RCVRN: variants seen among roughly 807,000 people sequenced by gnomAD.
RCVRN encodes the protein recoverin.
A neutral mutation model predicts 20.4 loss-of-function variants in RCVRN; 23 were observed. The ratio of observed to expected loss-of-function variants is 1.13; its 90% CI spans 0.81 to 1.60. The LOEUF is 1.60. Among genes scored for constraint, RCVRN ranks in the 40% most tolerant of loss-of-function variants. The probability of loss-of-function intolerance (pLI) is 0.00; values close to 1 mark genes in which losing one functional copy is unlikely to be tolerated. For synonymous variants in RCVRN, 105 were observed against 105.9 expected, an observed-to-expected ratio of 0.99 and a Z score of 0.05; for missense variants, 254 against 254.2, an observed-to-expected ratio of 1.00 and a Z score of 0.00.
In RCVRN at chr17:9,904,521, C is replaced by G. The variant is rs1011519833; in HGVS notation, c.381+279G>C. Reference sequence around the variant, plus strand: ...TACAATCTTATGGGACCACAGTGGTCTATATCGTCCGTTGTTGACCCAAAC... The same window carrying G: ...TACAATCTTATGGGACCACAGTGGTGTATATCGTCCGTTGTTGACCCAAAC... On this transcript the variant is annotated intron_variant, in intron 1 of 2. Transcript: ENST00000226193. The surrounding 1 kb of genome is among the most constrained non-coding windows in gnomAD (Gnocchi z 5.8). Among the ~76,000 whole-genome samples the G allele has an allele frequency of 1.5e-4, 23 of 152,230 alleles. No individual in the cohort carries two copies. The highest frequency in any genetic ancestry group is 4.8e-4 in the African/African-American group (20 of 41,458).
In RCVRN at chr17:9,899,560, C is replaced by T. The variant is rs993816758; in HGVS notation, c.494-1356G>A. Among the ~76,000 whole-genome samples, 1 of 152,134 alleles carries T rather than the reference C, an allele frequency of 6.6e-6. No individual in the cohort carries two copies. Among genetic ancestry groups the T allele is most frequent in the South Asian group, 2.1e-4 (1 of 4,818 alleles). ...CACATGAACGGACCCAGAGGGAGGT[C>T]GCGAAGCCAGTTAAGGAGCCAGTGG... On this transcript the variant is annotated intron_variant, in intron 2 of 2. Coordinates refer to ENST00000226193, the MANE Select transcript of RCVRN (RefSeq NM_002903.3). The surrounding 1 kb of genome is among the most constrained non-coding windows in gnomAD (Gnocchi z 4.6).
In RCVRN at chr17:9,904,775, C is replaced by T. The variant is rs1041666576; in HGVS notation, c.381+25G>A. The T allele has an allele frequency of 5.0e-6, 8 of 1,600,790 alleles. No homozygotes were observed. In the Admixed American group the frequency reaches 6.7e-5, roughly 13 times the overall value. On this transcript the variant is annotated intron_variant, in intron 1 of 2. Transcript: ENST00000226193. The surrounding 1 kb of genome is among the most constrained non-coding windows in gnomAD (Gnocchi z 5.8). ...CCGGAGCGACCCCGGCACCGCCCAG[C>T]CAGAAGGGGAGAGGGGAGACTGACC...
In RCVRN at chr17:9,898,032, GCA is replaced by G; in HGVS notation, c.*61_*62del. 2.0e-6 allele frequency: 2 copies of G among 1,010,736 alleles called. No homozygotes were observed. Among genetic ancestry groups the G allele is most frequent in the Non-Finnish European group, 3.2e-6 (2 of 629,750 alleles). The allele number at this position is 1,010,736 out of a possible 1,614,324, so 62.6% of individuals were successfully genotyped here. On this transcript the variant is annotated 3_prime_UTR_variant, in exon 3 of 3. Coordinates refer to ENST00000226193, the MANE Select transcript of RCVRN (RefSeq NM_002903.3). The stretch of plus-strand genomic sequence containing the variant: ...CGTGTGTGTGCATGTGTGTGTGTGT[GCA>G]CAGGCGCTCACGGGTGTCATGTGAG...
At position 9,899,043 on chromosome 17, in the gene RCVRN, AAG is replaced by A. The variant is rs1203661239; in HGVS notation, c.494-841_494-840del. Among the ~76,000 whole-genome samples the A allele has an allele frequency of 4.6e-5, 7 of 152,122 alleles. No individual in the cohort carries two copies. Among genetic ancestry groups the A allele is most frequent in the Admixed American group, 2.6e-4 (4 of 15,268 alleles). On this transcript the variant is annotated intron_variant, in intron 2 of 2. Coordinates refer to ENST00000226193, the MANE Select transcript of RCVRN (RefSeq NM_002903.3). The surrounding 1 kb of genome is among the most constrained non-coding windows in gnomAD (Gnocchi z 4.6). ...GGAGCGGAGGCGGGGTGTACAATAG[AAG>A]AGAGTGAGATGAAGTCCCTCCCTGG...
chr17:9,897,452 G>C lies in RCVRN; in HGVS notation c.*643C>G, dbSNP rs893874830. 1 of 151,574 alleles carries C rather than the reference G, an allele frequency of 6.6e-6. No homozygotes were observed. Among genetic ancestry groups the C allele is most frequent in the African/African-American group, 2.4e-5 (1 of 41,166 alleles). 9.4% of individuals were successfully genotyped at this position (151,574 alleles called of 1,614,324 possible). On this transcript the variant is annotated 3_prime_UTR_variant, in exon 3 of 3. Transcript: ENST00000226193. Reference sequence around the variant, plus strand: ...AGGGATGTGGTCCCTGATCCCCCCTGACAAGTCAGCCCCTTCCACTGTGTC... The same window carrying C: ...AGGGATGTGGTCCCTGATCCCCCCTCACAAGTCAGCCCCTTCCACTGTGTC...
intron 1 of RCVRN, among the ~76,000 whole-genome samples, chr17:9,902,021 C>T (rs375969140): frequency 1.3e-4 from 19 of 151,864 alleles, no homozygotes; most frequent in African/African-American, 4.1e-4. Context: ...CTTCTTTCTT[C>T]CTTTCTCTCC....
At position 9,897,724 on chromosome 17, in the gene RCVRN, C is replaced by T. The variant is rs544024099; in HGVS notation, c.*371G>A. On this transcript the variant is annotated 3_prime_UTR_variant, in exon 3 of 3. Transcript: ENST00000226193. ...GCAGCCACGTGCCCAGCTCAGCTTG[C>T]GTTTATTGGAAACTGCTTACCCAGC... 5.6e-5 allele frequency: 10 copies of T among 179,172 alleles called. No individual in the cohort carries two copies. The highest frequency in any genetic ancestry group is 1.7e-4 in the South Asian group (1 of 5,984). The allele number at this position is 179,172 out of a possible 1,614,324, so 11.1% of individuals were successfully genotyped here. A position where few individuals can be genotyped will look rare whatever the true frequency, so the allele number is the denominator to read the frequency against.
intron 2 of RCVRN, among the ~76,000 whole-genome samples, chr17:9,900,113 G>C (rs2067334909): frequency 6.6e-6 from 1 of 152,136 alleles, no homozygotes; most frequent in Non-Finnish European, 1.5e-5. Flanking sequence ...GAAGCCATCA[G>C]ACCAGAGGTG....
At chr17:9,898,267 G>A (rs957211170) in intron 2 of RCVRN, 63 bp from the exon 3 acceptor site, 1 of 985,798 alleles carries the variant, frequency 1.0e-6, no homozygotes, top group Admixed American at 1.7e-5. Context: ...CAAGTGAGCT[G>A]CGATGAGGCT....
rs576316671 is a variant in RCVRN, at chr17:9,903,706, C to T, written c.381+1094G>A. Among the ~76,000 whole-genome samples, 196 of 152,218 alleles carry T rather than the reference C, an allele frequency of 1.3e-3. 1 individual carries two copies. Among genetic ancestry groups the T allele is most frequent in the African/African-American group, 4.4e-3 (182 of 41,544 alleles). ...GTCGCTCAGAGACAGGAATACATTC[C>T]GAGAAACACATCTTAAGGCAACTTC... On this transcript the variant is annotated intron_variant, in intron 1 of 2. Transcript: ENST00000226193.
intron 2 of RCVRN, among the ~76,000 whole-genome samples, chr17:9,900,234 C>T (rs1010494128): frequency 4.7e-4 from 71 of 152,142 alleles, no homozygotes; most frequent in Non-Finnish European, 7.5e-4. Context: ...AGCCTAATAC[C>T]AGCTCCTTTA....
intron 1 of RCVRN, among the ~76,000 whole-genome samples, chr17:9,901,943 T>C (rs543288217): frequency 1.3e-5 from 2 of 152,342 alleles, no homozygotes; most frequent in South Asian, 2.1e-4. Flanking sequence ...ATCTGGTGAA[T>C]AGCAGAGCCT....
intron 1 of RCVRN, among the ~76,000 whole-genome samples, chr17:9,902,803 G>C (rs1011075105): frequency 6.6e-6 from 1 of 152,134 alleles, no homozygotes; most frequent in African/African-American, 2.4e-5. Flanking sequence ...TTCGAGACCA[G>C]CCTGGCCAAC....
At chr17:9,903,733 A>T (rs1193924505) in intron 1 of RCVRN, among the ~76,000 whole-genome samples, 1 of 152,200 alleles carries the variant, frequency 6.6e-6, no homozygotes, top group Non-Finnish European at 1.5e-5. Flanking sequence ...GGCAACTTCT[A>T]TGTGGGAACA....
In RCVRN at chr17:9,899,859, G is replaced by T. The variant is rs969298877; in HGVS notation, c.493+1130C>A. ...ATTTGTTGGCAGATTAGGAGGAGCAGGGTCATCTCTCTCTGCCCTTATTTA... is the reference window on the plus strand; with the variant it reads ...ATTTGTTGGCAGATTAGGAGGAGCATGGTCATCTCTCTCTGCCCTTATTTA... On this transcript the variant is annotated intron_variant, in intron 2 of 2. Coordinates refer to ENST00000226193, the MANE Select transcript of RCVRN (RefSeq NM_002903.3). The surrounding 1 kb of genome is among the most constrained non-coding windows in gnomAD (Gnocchi z 4.6). Among the ~76,000 whole-genome samples, 1 of 152,144 alleles carries T rather than the reference G, an allele frequency of 6.6e-6. No homozygotes were observed. Among genetic ancestry groups the T allele is most frequent in the Non-Finnish European group, 1.5e-5 (1 of 68,020 alleles).
chr17:9,901,850 A>AACACT (rs1209612584), intron 1 of RCVRN, among the ~76,000 whole-genome samples: 1 of 152,214 alleles, frequency 6.6e-6, no homozygotes, highest in East Asian at 1.9e-4. Context: ...TTCCCACAGC[A>AACACT]ACACTGCTAG....
intron 1 of RCVRN, among the ~76,000 whole-genome samples, chr17:9,903,652 A>G (rs574454038): frequency 6.6e-6 from 1 of 152,382 alleles, no homozygotes; most frequent in East Asian, 1.9e-4. Flanking sequence ...AAGGATGGAG[A>G]GAAAGAAAAA....
At chr17:9,902,342 C>T (rs989602667) in intron 1 of RCVRN, among the ~76,000 whole-genome samples, 1 of 152,138 alleles carries the variant, frequency 6.6e-6, no homozygotes, top group Non-Finnish European at 1.5e-5. Flanking sequence ...CCGAGCTGAG[C>T]ATTGAGGATA....
intron 1 of RCVRN, 134 bp from the exon 2 acceptor site, chr17:9,901,234 C>G: frequency 2.2e-6 from 1 of 462,756 alleles, no homozygotes; most frequent in East Asian, 3.2e-5. Flanking sequence ...GACCTCAGAC[C>G]GTCAAACTGC....
Sources: allele counts gnomAD v4.1 joint callset (sites outside exome capture counted in the v4.1 genomes callset), GRCh38; gene constraint gnomAD v4.1.1; non-coding constraint Gnocchi (gnomAD v3.1); transcripts MANE v1.5; gene names NCBI Gene and HGNC (gene_info 2026-07-23, HGNC 2026-07-21).